CNTN5: variants seen among roughly 807,000 people sequenced by gnomAD.
CNTN5 encodes the protein contactin 5.
In CNTN5, 77 loss-of-function variants were observed where a neutral mutation model predicts 129.1. The observed-to-expected ratio is 0.60, with a 90% CI of 0.50 to 0.72. The LOEUF (loss-of-function observed/expected upper bound fraction) is 0.72, where lower values mean the gene tolerates loss of function less well. CNTN5 is among the 30% of genes least tolerant of loss of function. The probability of loss-of-function intolerance (pLI) is 0.00; values close to 1 mark genes in which losing one functional copy is unlikely to be tolerated. For synonymous variants in CNTN5, 509 were observed against 465.6 expected, an observed-to-expected ratio of 1.09 and a Z score of -1.20; for missense variants, 1,478 against 1,328.8, an observed-to-expected ratio of 1.11 and a Z score of -1.75.
intron 21 of CNTN5, among the ~76,000 whole-genome samples, chr11:100,315,533 G>A (rs1000886828): frequency 1.3e-5 from 2 of 152,086 alleles, no homozygotes; most frequent in Non-Finnish European, 2.9e-5. Flanking sequence ...ATCCCTTTCT[G>A]TTTCTGAGTG....
chr11:99,246,143 T>C (rs1436803762), intron 1 of CNTN5, among the ~76,000 whole-genome samples: 2 of 152,214 alleles, frequency 1.3e-5, no homozygotes, highest in Non-Finnish European at 2.9e-5. Context: ...AAAAATGAGA[T>C]CTGAAACATA....
At chr11:99,105,371 A>G (rs558305121) in intron 1 of CNTN5, among the ~76,000 whole-genome samples, 1 of 152,328 alleles carries the variant, frequency 6.6e-6, no homozygotes, top group East Asian at 1.9e-4. Context: ...TGTGCAAAGA[A>G]TATGTTATGT....
intron 8 of CNTN5, among the ~76,000 whole-genome samples, chr11:99,981,077 G>GATATATATATATATATATATATATAT (rs372749441): frequency 4.2e-4 from 24 of 57,512 alleles, no homozygotes; most frequent in East Asian, 2.4e-3. Context: ...GAGCCAATAG[G>GATATATATATATATATATATATATAT]ATATATATAT....
intron 21 of CNTN5, among the ~76,000 whole-genome samples, chr11:100,322,147 T>TTTA (rs1234126760): frequency 6.6e-6 from 1 of 152,174 alleles, no homozygotes; most frequent in African/African-American, 2.4e-5. Context: ...TCTGGAGCTT[T>TTTA]TTATGTCTTG....
At chr11:99,870,858 CTGA>C (rs1290099233) in intron 6 of CNTN5, among the ~76,000 whole-genome samples, 1 of 151,942 alleles carries the variant, frequency 6.6e-6, no homozygotes, top group African/African-American at 2.4e-5. Flanking sequence ...GAGGTTTTGT[CTGA>C]TTTCTCAGAC....
At chr11:99,732,452 A>G (rs1943567556) in intron 3 of CNTN5, among the ~76,000 whole-genome samples, 1 of 146,760 alleles carries the variant, frequency 6.8e-6, no homozygotes, top group South Asian at 2.2e-4. Context: ...CAGTATAATA[A>G]CTGAGTACAT....
At chr11:99,892,757 G>A (rs1303087276) in intron 6 of CNTN5, among the ~76,000 whole-genome samples, 4 of 152,144 alleles carry the variant, frequency 2.6e-5, no homozygotes, top group Admixed American at 6.5e-5. Flanking sequence ...AAGTCAGGTA[G>A]CCTTGAGGCC....
chr11:99,883,406 G>A (rs114635481), intron 6 of CNTN5, among the ~76,000 whole-genome samples: 282 of 152,224 alleles, frequency 1.9e-3, no homozygotes, highest in African/African-American at 6.3e-3. Flanking sequence ...GATATAAGCC[G>A]TTTTAACAGG....
chr11:99,407,029 T>C (rs769634913), intron 2 of CNTN5, among the ~76,000 whole-genome samples: 20 of 152,014 alleles, frequency 1.3e-4, no homozygotes, highest in Non-Finnish European at 2.4e-4. Context: ...AAGAGCCTGT[T>C]TGGTGTTCTA....
chr11:100,236,666 A>C (rs149666931), intron 16 of CNTN5, among the ~76,000 whole-genome samples: 1 of 151,976 alleles, frequency 6.6e-6, no homozygotes, highest in Non-Finnish European at 1.5e-5. Context: ...ACATGCTCCT[A>C]TAAGTTCCCC....
intron 8 of CNTN5, among the ~76,000 whole-genome samples, chr11:99,962,318 C>T (rs112080606): frequency 3.6e-5 from 5 of 139,694 alleles, no homozygotes; most frequent in African/African-American, 1.3e-4. Context: ...TCCCCCCACC[C>T]CACAACAAGC....
intron 1 of CNTN5, among the ~76,000 whole-genome samples, chr11:99,115,795 C>T (rs985011305): frequency 4.0e-5 from 6 of 151,746 alleles, no homozygotes; most frequent in Non-Finnish European, 8.8e-5. Context: ...GATAAAATAC[C>T]AGCACATGAA....
intron 1 of CNTN5, among the ~76,000 whole-genome samples, chr11:99,054,028 T>C (rs940077803): frequency 3.9e-5 from 6 of 152,006 alleles, no homozygotes; most frequent in Admixed American, 6.6e-5. Flanking sequence ...GTAATTCTGT[T>C]ATCCTTGGAA....
At chr11:99,034,651 C>CTA in intron 1 of CNTN5, among the ~76,000 whole-genome samples, 1 of 150,212 alleles carries the variant, frequency 6.7e-6, no homozygotes, top group Admixed American at 7.0e-5. Context: ...CTATTTGATT[C>CTA]TTCTCTCTTT....
chr11:100,017,479 T>C (rs2137547814), intron 9 of CNTN5, among the ~76,000 whole-genome samples: 1 of 152,120 alleles, frequency 6.6e-6, no homozygotes, highest in Non-Finnish European at 1.5e-5. Flanking sequence ...TAGTGGTGTG[T>C]CTTACAGTCA....
intron 3 of CNTN5, among the ~76,000 whole-genome samples, chr11:99,810,398 T>A (rs1946394638): frequency 6.6e-6 from 1 of 152,238 alleles, no homozygotes; most frequent in East Asian, 1.9e-4. Flanking sequence ...GCCGTTAACT[T>A]TTTTTCTTGT....
At chr11:100,037,267 C>A (rs1302552541) in intron 9 of CNTN5, among the ~76,000 whole-genome samples, 2 of 149,740 alleles carry the variant, frequency 1.3e-5, no homozygotes, top group Admixed American at 1.3e-4. Flanking sequence ...TGCTGGATTA[C>A]ATTTATTGAT....
chr11:99,711,259 T>C (rs1047923085), intron 3 of CNTN5, among the ~76,000 whole-genome samples: 5 of 151,948 alleles, frequency 3.3e-5, no homozygotes, highest in Non-Finnish European at 1.5e-5. Flanking sequence ...TGTCTTACCT[T>C]TTAGAATTTC....
intron 1 of CNTN5, among the ~76,000 whole-genome samples, chr11:99,038,059 G>T (rs79717962): frequency 0.034 from 5,089 of 151,896 alleles, 387 homozygotes; most frequent in Admixed American, 0.17. Context: ...ATAATATAAT[G>T]CTTTAAAGAG....
Sources: gnomAD v4.1 joint callset for allele counts (sites outside exome capture counted in the v4.1 genomes callset) on GRCh38, gnomAD v4.1.1 for gene constraint, MANE v1.5 for transcripts, NCBI Gene and HGNC (gene_info 2026-07-23, HGNC 2026-07-21) for gene names.